RYR3: variants seen among roughly 807,000 people sequenced by gnomAD.
The protein encoded by RYR3 is ryanodine receptor 3.
A neutral mutation model predicts 584.3 loss-of-function variants in RYR3; 207 were observed. The observed-to-expected ratio is 0.35, with a 90% CI of 0.32 to 0.40. The LOEUF (loss-of-function observed/expected upper bound fraction) is 0.40. Among genes scored for constraint, RYR3 ranks in the 10% least tolerant of loss-of-function variants. RYR3 has a pLI of 1.00. For synonymous variants in RYR3, 2,416 were observed against 2,248.5 expected, an observed-to-expected ratio of 1.07 and a Z score of -2.11; for missense variants, 5,616 against 6,089.2, an observed-to-expected ratio of 0.92 and a Z score of 2.59.
intron 64 of RYR3, among the ~76,000 whole-genome samples, chr15:33,779,821 C>T (rs1039340328): frequency 1.4e-5 from 2 of 147,024 alleles, no homozygotes; most frequent in Non-Finnish European, 1.5e-5. Flanking sequence ...GCCAACATGG[C>T]GAAACCCCGT....
chr15:33,818,375 T>C (rs971117425), intron 75 of RYR3, among the ~76,000 whole-genome samples: 1 of 152,210 alleles, frequency 6.6e-6, no homozygotes, highest in African/African-American at 2.4e-5. Flanking sequence ...ATAAAAAATA[T>C]ACAAACATAT....
At position 33,613,217 on chromosome 15, in the gene RYR3, G is replaced by A. The variant is rs1223329827; in HGVS notation, c.2199G>A (p.Gln733=). The part of the protein sequence containing the change: ...RIPRAVASIN[Q]HLLRSDDVVS... ...CCAGAGCTGTGGCTTCCATCAACCA[G>A]CACCTCCTGAGATCGGATGACGTGG... The change falls in exon 19 of 104, where the codon CAG becomes CAA. Residue 733 remains glutamine, a synonymous_variant. Transcript: ENST00000634891. The A allele has an allele frequency of 6.2e-7, 1 of 1,613,844 alleles. No individual in the cohort carries two copies. The highest frequency in any genetic ancestry group is 1.7e-5 in the Admixed American group (1 of 60,024).
chr15:33,822,958 T>C, intron 80 of RYR3, 38 bp from the exon 81 acceptor site: 1 of 1,566,142 alleles, frequency 6.4e-7, no homozygotes, highest in East Asian at 2.2e-5. Context: ...TGGTATAGTT[T>C]TCATCGCTTT....
chr15:33,572,255 T>C (rs2058063890), intron 12 of RYR3, among the ~76,000 whole-genome samples: 1 of 152,224 alleles, frequency 6.6e-6, no homozygotes, highest in Admixed American at 6.5e-5. Flanking sequence ...CATAGTTACC[T>C]TTACCAGTAT....
chr15:33,810,948 G>A (rs754214041), intron 71 of RYR3, 30 bp from the exon 72 acceptor site: 17 of 1,582,246 alleles, frequency 1.1e-5, no homozygotes, highest in East Asian at 4.6e-5. Context: ...GGTGATCTCC[G>A]GGAATAAAAT....
At chr15:33,738,712 C>A in intron 50 of RYR3, 122 bp downstream of exon 50, 1 of 1,009,824 alleles carries the variant, frequency 9.9e-7, no homozygotes, top group Non-Finnish European at 1.5e-6. Flanking sequence ...ACTTCACAAG[C>A]ATATTACGCC....
rs112104361 is a variant in RYR3 at position 33,653,700 on chromosome 15, A to G, written c.4308+817A>G. Reference sequence around the variant, plus strand: ...AAAAAAAAATACATTTATATAAACAATGTGTTTCCTCATTTCCTGGACCGT... The same window carrying G: ...AAAAAAAAATACATTTATATAAACAGTGTGTTTCCTCATTTCCTGGACCGT... On this transcript the variant is annotated intron_variant, in intron 32 of 103. Transcript: ENST00000634891. Among the ~76,000 whole-genome samples the G allele has an allele frequency of 1.3e-5, 2 of 152,044 alleles. 1 individual carries two copies. The highest frequency in any genetic ancestry group is 4.8e-5 in the African/African-American group (2 of 41,458).
chr15:33,656,626 C>T (rs73373882), intron 32 of RYR3, among the ~76,000 whole-genome samples: 5,555 of 152,258 alleles, frequency 0.036, 311 homozygotes, highest in African/African-American at 0.13. Context: ...GGGCCTGAAC[C>T]AGGCTCATCT....
intron 1 of RYR3, among the ~76,000 whole-genome samples, chr15:33,382,012 A>G (rs945610291): frequency 6.6e-6 from 1 of 152,170 alleles, no homozygotes; most frequent in Admixed American, 6.5e-5. Context: ...CGAGTTCAGA[A>G]GAGGGGTGTC....
At chr15:33,312,178 A>G (rs1486230361) in intron 1 of RYR3, among the ~76,000 whole-genome samples, 1 of 152,230 alleles carries the variant, frequency 6.6e-6, no homozygotes, top group East Asian at 1.9e-4. Flanking sequence ...CTCAGGAATT[A>G]GAATGAAATT....
At chr15:33,351,619 A>C (rs1383439656) in intron 1 of RYR3, among the ~76,000 whole-genome samples, 1 of 151,466 alleles carries the variant, frequency 6.6e-6, no homozygotes. Flanking sequence ...GCAAATCAAT[A>C]AATGTAATCC....
At chr15:33,349,683 C>T (rs370589605) in intron 1 of RYR3, among the ~76,000 whole-genome samples, 86 of 149,214 alleles carry the variant, frequency 5.8e-4, no homozygotes, top group Non-Finnish European at 1.1e-3. Context: ...CATGCTGGTG[C>T]GCTGCACCCA....
Position 33,857,815 on chromosome 15 carries a change from TTATCTC to T in RYR3, c.14047_14052del (p.Leu4683_Tyr4684del). 6.2e-7 allele frequency: 1 copy of T among 1,614,198 alleles called. No individual in the cohort carries two copies. Reference sequence around the variant, plus strand: ...CTGTCGGTCTCCTGGCCGTGGTGGTTTATCTCTATACTGTGGTGGCTTTCAACTTCT... The same window carrying T: ...CTGTCGGTCTCCTGGCCGTGGTGGTTTATACTGTGGTGGCTTTCAACTTCT... On this transcript the variant is annotated inframe_deletion, in exon 99 of 104. Coordinates refer to ENST00000634891, the MANE Select transcript of RYR3 (RefSeq NM_001036.6).
At chr15:33,618,094 A>G (rs1394478240) in intron 19 of RYR3, among the ~76,000 whole-genome samples, 1 of 152,310 alleles carries the variant, frequency 6.6e-6, no homozygotes, top group Admixed American at 6.5e-5. Flanking sequence ...ACACCCCACA[A>G]GTGGCATGAA....
At chr15:33,432,668 T>TTGTGTGTGTGTG (rs58292418) in intron 1 of RYR3, among the ~76,000 whole-genome samples, 2,543 of 132,118 alleles carry the variant, frequency 0.019, 34 homozygotes, top group Non-Finnish European at 0.021. Context: ...GCCTAGCTAA[T>TTGTGTGTGTGTG]TGTGTGTGTG....
Position 33,560,172 on chromosome 15 carries a change from A to C in RYR3, c.973-2665A>C, listed in dbSNP as rs1355774565. Among the ~76,000 whole-genome samples the C allele has an allele frequency of 2.0e-5, 3 of 152,232 alleles. No individual in the cohort carries two copies. In the South Asian group the frequency reaches 6.2e-4, roughly 31 times the overall value. On this transcript the variant is annotated intron_variant, in intron 10 of 103. Coordinates refer to ENST00000634891, the MANE Select transcript of RYR3 (RefSeq NM_001036.6). Reference sequence around the variant, plus strand: ...AAAAGAAAATCACCAATGTGCTGTCAATAAAATCAAGCCTCTCTATCACCG... The same window carrying C: ...AAAAGAAAATCACCAATGTGCTGTCCATAAAATCAAGCCTCTCTATCACCG...
At chr15:33,566,279 C>T (rs1415540094) in intron 11 of RYR3, among the ~76,000 whole-genome samples, 2 of 152,188 alleles carry the variant, frequency 1.3e-5, no homozygotes, top group Non-Finnish European at 2.9e-5. Flanking sequence ...AATTGTCTGT[C>T]TTTTTCTTCA....
chr15:33,653,356 C>G (rs535611878), intron 32 of RYR3, among the ~76,000 whole-genome samples: 3 of 152,296 alleles, frequency 2.0e-5, no homozygotes, highest in African/African-American at 7.2e-5. Context: ...TTCCCTATGA[C>G]TACCTCATAA....
chr15:33,568,074 A>G (rs990869383), intron 12 of RYR3, among the ~76,000 whole-genome samples: 7 of 152,176 alleles, frequency 4.6e-5, no homozygotes, highest in African/African-American at 7.2e-5. Context: ...TTTCATTCAC[A>G]TGGCCAAAAT....
Sources: gnomAD v4.1 joint callset for allele counts (sites outside exome capture counted in the v4.1 genomes callset) on GRCh38, gnomAD v4.1.1 for gene constraint, MANE v1.5 for transcripts, NCBI Gene and HGNC (gene_info 2026-07-23, HGNC 2026-07-21) for gene names.